GAPVD1: variants seen among roughly 807,000 people sequenced by gnomAD.
GAPVD1 encodes the protein GTPase activating protein and VPS9 domains 1.
A neutral mutation model predicts 155.5 loss-of-function variants in GAPVD1; 35 were observed. The ratio of observed to expected loss-of-function variants is 0.23; its 90% CI spans 0.17 to 0.30. GAPVD1 has a LOEUF of 0.30. Ranked by LOEUF, GAPVD1 falls within the 10% of genes least tolerant of loss-of-function variation. The probability of loss-of-function intolerance (pLI) is 1.00; values close to 1 mark genes in which losing one functional copy is unlikely to be tolerated. For missense variants in GAPVD1, 1,429 were observed against 1,775.7 expected, an observed-to-expected ratio of 0.80 and a Z score of 3.51; for synonymous variants, 636 against 619.7, an observed-to-expected ratio of 1.03 and a Z score of -0.39.
At chr9:125,285,840 A>G (rs531802530) in intron 2 of GAPVD1, among the ~76,000 whole-genome samples, 2 of 152,156 alleles carry the variant, frequency 1.3e-5, no homozygotes, top group South Asian at 4.1e-4. Flanking sequence ...ACAGGGTCTC[A>G]TTCTGTTGGT....
rs1038709755 is a variant in GAPVD1, at chr9:125,366,755, A to G, written c.*4009A>G. On this transcript the variant is annotated 3_prime_UTR_variant, in exon 28 of 28. Coordinates refer to ENST00000297933, the MANE Select transcript of GAPVD1 (RefSeq NM_001282680.3). ...TAATATATTTTAGAATGTAGGTTAG[A>G]AAGTAGTAGGACAAGGAATAGCTTT... is the stretch of plus-strand genomic sequence containing the variant. 2.6e-5 allele frequency: 4 copies of G among 152,202 alleles called. No individual in the cohort carries two copies. Among genetic ancestry groups the G allele is most frequent in the Non-Finnish European group, 4.4e-5 (3 of 68,040 alleles). 9.4% of individuals were successfully genotyped at this position (152,202 alleles called of 1,614,324 possible).
At chr9:125,339,485 C>T (rs1347918421) in intron 17 of GAPVD1, among the ~76,000 whole-genome samples, 1 of 152,190 alleles carries the variant, frequency 6.6e-6, no homozygotes. Context: ...CTAGTTAGCT[C>T]TTTCTCGAAG....
At position 125,360,727 on chromosome 9, in the gene GAPVD1, T is replaced by TG; in HGVS notation, c.4242+5dup. 2 of 1,611,958 alleles carry TG rather than the reference T, an allele frequency of 1.2e-6. No individual in the cohort carries two copies. Among genetic ancestry groups the TG allele is most frequent in the Non-Finnish European group, 1.7e-6 (2 of 1,178,348 alleles). On this transcript the variant is annotated splice_region_variant and intron_variant, in intron 27 of 27. Coordinates refer to ENST00000297933, the MANE Select transcript of GAPVD1 (RefSeq NM_001282680.3). The stretch of plus-strand genomic sequence containing the variant: ...GTGTTGGTGTTTGTGTTGATAAAGG[T>TG]GGGCCCCTTACTACTATCAGTTAAG...
intron 12 of GAPVD1, 111 bp downstream of exon 12, chr9:125,326,700 A>G (rs1845225829): frequency 2.7e-6 from 2 of 746,010 alleles, no homozygotes; most frequent in South Asian, 3.4e-5. Flanking sequence ...TGTTAGCACC[A>G]TCTGGGAAAC....
At chr9:125,267,998 A>G (rs916840769) in intron 1 of GAPVD1, among the ~76,000 whole-genome samples, 3 of 151,998 alleles carry the variant, frequency 2.0e-5, no homozygotes, top group African/African-American at 7.2e-5. Context: ...TCCCATCTCT[A>G]CTAAAAATAC....
intron 2 of GAPVD1, chr9:125,287,733 T>C (rs1331912096): frequency 6.6e-6 from 1 of 152,128 alleles, no homozygotes; most frequent in Non-Finnish European, 1.5e-5. Flanking sequence ...ATTTATTTAC[T>C]TATTTTATTT....
chr9:125,302,349 T>G lies in GAPVD1; in HGVS notation c.552T>G (p.Leu184=). 1.2e-6 allele frequency: 2 copies of G among 1,614,124 alleles called. No homozygotes were observed. The highest frequency in any genetic ancestry group is 1.1e-5 in the South Asian group (1 of 91,082). Residue 184 remains leucine, a synonymous_variant, in exon 5 of 28, where the codon CTT becomes CTG. Transcript: ENST00000297933. ...GTGCCTTCAGCATCTTATTTAAACT[T>G]TTTTCTGAAGGACTGTTTTCTGCCA... ...GTCAFSILFK[L]FSEGLFSAKL... is the part of the protein sequence containing the mutation.
At chr9:125,263,437 G>C (rs1483856028) in intron 1 of GAPVD1, 3 of 529,214 alleles carry the variant, frequency 5.7e-6, no homozygotes, top group African/African-American at 1.9e-5. Context: ...AACAGAGCGA[G>C]ACTCCGTCTC....
intron 17 of GAPVD1, among the ~76,000 whole-genome samples, 190 bp downstream of exon 17, chr9:125,337,781 A>G (rs1261133194): frequency 1.3e-5 from 2 of 152,234 alleles, no homozygotes; most frequent in African/African-American, 4.8e-5. Context: ...TTGTAGTGAT[A>G]CTATCTTGCA....
intron 4 of GAPVD1, among the ~76,000 whole-genome samples, chr9:125,300,144 A>G (rs2130827887): frequency 7.4e-6 from 1 of 135,646 alleles, no homozygotes; most frequent in Middle Eastern, 3.8e-3. Flanking sequence ...TTTAGAAACC[A>G]CATTTTATTG....
chr9:125,349,311 G>A (rs1190227414), intron 20 of GAPVD1, 79 bp from the exon 21 acceptor site: 1 of 1,187,414 alleles, frequency 8.4e-7, no homozygotes, highest in East Asian at 2.4e-5. Context: ...TTATTCTTGA[G>A]TTGCTCTGAA....
chr9:125,351,975 A>G (rs1279643169), intron 23 of GAPVD1, among the ~76,000 whole-genome samples: 3 of 152,066 alleles, frequency 2.0e-5, no homozygotes, highest in Middle Eastern at 3.2e-3. Flanking sequence ...TCCTGACCTC[A>G]AGTGATCCAC....
intron 2 of GAPVD1, among the ~76,000 whole-genome samples, chr9:125,286,695 A>G (rs149433802): frequency 9.8e-5 from 15 of 152,292 alleles, no homozygotes; most frequent in African/African-American, 3.6e-4. Context: ...CTGGGGATAC[A>G]TAGGCCTAAG....
Position 125,307,556 on chromosome 9 carries a change from T to G in GAPVD1, c.1251+9T>G, listed in dbSNP as rs202038910. On this transcript the variant is annotated intron_variant, in intron 7 of 27. Transcript: ENST00000297933. ...GTCAGCTTATTACTCTGGTAATGGC[T>G]TCATTGTTTAAGAGAATTTCTCGAA... is the stretch of plus-strand genomic sequence containing the variant. 6.2e-7 allele frequency: 1 copy of G among 1,605,440 alleles called. No homozygotes were observed. The highest frequency in any genetic ancestry group is 1.3e-5 in the African/African-American group (1 of 74,538).
chr9:125,346,774 T>C (rs776346331), intron 19 of GAPVD1, 45 bp from the exon 20 acceptor site: 10 of 1,524,454 alleles, frequency 6.6e-6, no homozygotes, highest in Non-Finnish European at 9.1e-6. Flanking sequence ...TCAGAGGTGG[T>C]ACAAACCCAA....
chr9:125,366,305 C>CA lies in GAPVD1; in HGVS notation c.*3559_*3560insA, dbSNP rs1851467288. On this transcript the variant is annotated 3_prime_UTR_variant, in exon 28 of 28. Coordinates refer to ENST00000297933, the MANE Select transcript of GAPVD1 (RefSeq NM_001282680.3). ...GTGCTGAACCCGGGCACTCTTTTTCCTATTGTTTGCCATGGAAATTTCCAC... is the reference window on the plus strand; with the variant it reads ...GTGCTGAACCCGGGCACTCTTTTTCCATATTGTTTGCCATGGAAATTTCCAC... 6.6e-6 allele frequency: 1 copy of CA among 152,168 alleles called. No individual in the cohort carries two copies. The highest frequency in any genetic ancestry group is 2.4e-5 in the African/African-American group (1 of 41,450). The allele number at this position is 152,168 out of a possible 1,614,324, so 9.4% of individuals were successfully genotyped here.
intron 13 of GAPVD1, 99 bp downstream of exon 13, chr9:125,330,317 C>CTTTT: frequency 2.4e-5 from 12 of 508,566 alleles, no homozygotes; most frequent in Non-Finnish European, 3.5e-5. Flanking sequence ...GTCAAATACA[C>CTTTT]TTTTTTTTTT....
At chr9:125,273,934 T>TA (rs1275256810) in intron 2 of GAPVD1, among the ~76,000 whole-genome samples, 2 of 151,368 alleles carry the variant, frequency 1.3e-5, no homozygotes, top group South Asian at 4.2e-4. Flanking sequence ...TTCTTTTTTT[T>TA]AAAAAAAAAT....
intron 2 of GAPVD1, among the ~76,000 whole-genome samples, chr9:125,293,947 T>C (rs1839407654): frequency 7.0e-6 from 1 of 142,300 alleles, no homozygotes; most frequent in Non-Finnish European, 1.5e-5. Context: ...GGCGTCTCAC[T>C]CTGTTGCCAG....
Sources: gnomAD v4.1 joint callset for allele counts (sites outside exome capture counted in the v4.1 genomes callset) on GRCh38, gnomAD v4.1.1 for gene constraint, MANE v1.5 for transcripts, NCBI Gene and HGNC (gene_info 2026-07-23, HGNC 2026-07-21) for gene names.